The following UBL7 variants were observed in gnomAD, a reference collection of about 807,000 sequenced individuals.
The protein encoded by UBL7 is ubiquitin-like protein 7.
In UBL7, 21 loss-of-function variants were observed where a neutral mutation model predicts 41.7. The ratio of observed to expected loss-of-function variants is 0.50; its 90% CI spans 0.36 to 0.73. UBL7 has a LOEUF of 0.73. Among genes scored for constraint, UBL7 ranks in the 30% least tolerant of loss-of-function variants. The pLI is 0.00. For missense variants in UBL7, 403 were observed against 478.4 expected (o/e 0.84, Z 1.47); for synonymous variants, 157 against 186.9 (o/e 0.84, Z 1.31).
At chr15:74,452,422 G>A in intron 3 of UBL7, 44 bp from the exon 4 acceptor site, 1 of 1,537,548 alleles carries the variant, frequency 6.5e-7, no homozygotes. Context: ...CGCAGGTCCT[G>A]TCTCTGCCAC....
At chr15:74,451,375 CT>C in intron 5 of UBL7, 60 bp downstream of exon 5, 1 of 1,424,682 alleles carries the variant, frequency 7.0e-7, no homozygotes, top group Non-Finnish European at 9.9e-7. Flanking sequence ...GAGGAATTGT[CT>C]TCTCCTGTTT....
chr15:74,452,414 C>T, intron 3 of UBL7, 36 bp from the exon 4 acceptor site: 9 of 1,545,860 alleles, frequency 5.8e-6, no homozygotes, highest in Non-Finnish European at 7.9e-6. Flanking sequence ...CCCTATAGCG[C>T]AGGTCCTGTC....
chr15:74,458,381 G>A (rs949321057), intron 2 of UBL7, among the ~76,000 whole-genome samples: 1 of 152,172 alleles, frequency 6.6e-6, no homozygotes, highest in African/African-American at 2.4e-5. Context: ...GTTGCAGTGA[G>A]CCGAGATCGC....
At chr15:74,456,820 T>C (rs1036652365) in intron 2 of UBL7, 149 bp from the exon 3 acceptor site, 1 of 1,024,794 alleles carries the variant, frequency 9.8e-7, no homozygotes, top group East Asian at 2.7e-5. Flanking sequence ...ATACTTTTTT[T>C]TTTTTGGAAA....
At chr15:74,456,423 A>ATATCATT in intron 3 of UBL7, 129 bp downstream of exon 3, 1 of 1,242,082 alleles carries the variant, frequency 8.1e-7, no homozygotes, top group East Asian at 2.4e-5. Flanking sequence ...AGTAATAAAG[A>ATATCATT]TATCATTTAT....
intron 10 of UBL7, among the ~76,000 whole-genome samples, chr15:74,447,449 T>A (rs1051674052): frequency 3.3e-5 from 5 of 152,088 alleles, no homozygotes; most frequent in Admixed American, 2.6e-4. Context: ...ACACCTGTAA[T>A]CCCAGAACTC....
At chr15:74,452,637 ACT>A (rs772211784) in intron 3 of UBL7, among the ~76,000 whole-genome samples, 1 of 152,070 alleles carries the variant, frequency 6.6e-6, no homozygotes, top group Non-Finnish European at 1.5e-5. Context: ...AGCAGAGGAG[ACT>A]CTTACCACAT....
chr15:74,459,178 G>A (rs766911481), intron 1 of UBL7: 110 of 289,154 alleles, frequency 3.8e-4, no homozygotes, highest in Non-Finnish European at 1.4e-4. Context: ...TCTCCCTTCT[G>A]TATGCCCCTT....
rs1187527943 is a variant in UBL7, at chr15:74,457,736, CAAAA to C, written c.184+944_184+947del. On this transcript the variant is annotated intron_variant, in intron 2 of 10. Coordinates refer to ENST00000395081, the MANE Select transcript of UBL7 (RefSeq NM_032907.5). The stretch of plus-strand genomic sequence containing the variant: ...TGGGCAACAGAGCAAGACTCCGTCT[CAAAA>C]AAAAAAAAAAAAAAAAAGGATTCAC... 2.2e-3 allele frequency among the ~76,000 whole-genome samples: 82 copies of C among 37,652 alleles called. No individual in the cohort carries two copies. In the East Asian group the frequency reaches 0.029, roughly 13 times the overall value. The allele number at this position is 37,652 out of a possible 152,430, so 24.7% of individuals were successfully genotyped here.
intron 3 of UBL7, among the ~76,000 whole-genome samples, chr15:74,456,320 A>G (rs953248548): frequency 2.0e-5 from 3 of 152,154 alleles, no homozygotes; most frequent in African/African-American, 7.2e-5. Flanking sequence ...CAAAAAACAA[A>G]AAACAAAATG....
chr15:74,456,802 C>A, intron 2 of UBL7, 131 bp from the exon 3 acceptor site: 1 of 1,121,052 alleles, frequency 8.9e-7, no homozygotes, highest in South Asian at 1.6e-5. Context: ...TATTCAATAA[C>A]TTAACAAATA....
At chr15:74,458,990 T>A in intron 1 of UBL7, 94 bp from the exon 2 acceptor site, 2 of 1,238,644 alleles carry the variant, frequency 1.6e-6, no homozygotes, top group East Asian at 4.9e-5. Context: ...CAATTCAATG[T>A]GACACTGTTG....
At chr15:74,450,769 G>A (rs1351188854) in intron 6 of UBL7, 33 bp downstream of exon 6, 1 of 1,610,252 alleles carries the variant, frequency 6.2e-7, no homozygotes, top group South Asian at 1.1e-5. Context: ...CGAGGAGAGA[G>A]AAGGTACCCT....
chr15:74,449,370 C>G lies in UBL7; in HGVS notation c.715-17G>C. On this transcript the variant is annotated splice_polypyrimidine_tract_variant and intron_variant, in intron 8 of 10. Transcript: ENST00000395081. ...CCTGGTGTTCTGGAGAAAGAAGACA[C>G]TCAGAATCAGGGAAGCAGTACTGTG... 6.2e-7 allele frequency: 1 copy of G among 1,613,680 alleles called. No homozygotes were observed. The highest frequency in any genetic ancestry group is 8.5e-7 in the Non-Finnish European group (1 of 1,179,808).
chr15:74,457,491 C>T (rs2061305536), intron 2 of UBL7, among the ~76,000 whole-genome samples: 1 of 151,722 alleles, frequency 6.6e-6, no homozygotes, highest in South Asian at 2.1e-4. Context: ...TGCAGTGAGC[C>T]AAGATCACAC....
intron 5 of UBL7, 43 bp from the exon 6 acceptor site, chr15:74,450,902 A>G: frequency 6.2e-7 from 1 of 1,607,726 alleles, no homozygotes; most frequent in Non-Finnish European, 8.5e-7. Context: ...GAAATCAGCC[A>G]GATCCAGGAG....
At chr15:74,448,066 C>T (rs2061202621) in intron 10 of UBL7, among the ~76,000 whole-genome samples, 1 of 152,220 alleles carries the variant, frequency 6.6e-6, no homozygotes, top group Non-Finnish European at 1.5e-5. Context: ...TTACTTCAAG[C>T]AGCTGGGTTT....
intron 7 of UBL7, 109 bp downstream of exon 7, chr15:74,449,827 T>A: frequency 6.5e-7 from 1 of 1,538,114 alleles, no homozygotes; most frequent in Non-Finnish European, 8.8e-7. Context: ...AAACCGAGAG[T>A]TCCCAAGGAA....
chr15:74,445,988 A>C lies in UBL7; in HGVS notation c.*102T>G, dbSNP rs2061178358. 1 of 1,471,094 alleles carries C rather than the reference A, an allele frequency of 6.8e-7. No homozygotes were observed. Among genetic ancestry groups the C allele is most frequent in the Non-Finnish European group, 9.2e-7 (1 of 1,091,100 alleles). The allele number at this position is 1,471,094 out of a possible 1,614,324, so 91.1% of individuals were successfully genotyped here. A position where few individuals can be genotyped will look rare whatever the true frequency, so the allele number is the denominator to read the frequency against. On this transcript the variant is annotated 3_prime_UTR_variant, in exon 11 of 11. Coordinates refer to ENST00000395081, the MANE Select transcript of UBL7 (RefSeq NM_032907.5). ...ACTGGACAAAGCAGGAGAGTTGACCATCAGGTATATTGGGGAAGGGAGAGA... is the reference window on the plus strand; with the variant it reads ...ACTGGACAAAGCAGGAGAGTTGACCCTCAGGTATATTGGGGAAGGGAGAGA...
Sources: allele counts gnomAD v4.1 joint callset (sites outside exome capture counted in the v4.1 genomes callset), GRCh38; gene constraint gnomAD v4.1.1; transcripts MANE v1.5; gene names NCBI Gene and HGNC (gene_info 2026-07-23, HGNC 2026-07-21).